The following SYNDIG1 variants were observed in gnomAD, a reference collection of about 807,000 sequenced individuals.
The protein encoded by SYNDIG1 is synapse differentiation-inducing gene protein 1.
SYNDIG1 carries 9 observed loss-of-function variants against 19.4 expected under a neutral mutation model. The observed-to-expected ratio is 0.46, with a 90% confidence interval of 0.28 to 0.81. The LOEUF (loss-of-function observed/expected upper bound fraction) is 0.81, where lower values mean the gene tolerates loss of function less well. Ranked by LOEUF, SYNDIG1 falls within the 30% of genes least tolerant of loss-of-function variation. SYNDIG1 has a pLI of 0.12. For missense variants in SYNDIG1, 311 were observed against 343.3 expected (o/e 0.91, Z 0.74); for synonymous variants, 141 against 145.9 (o/e 0.97, Z 0.24).
intron 3 of SYNDIG1, among the ~76,000 whole-genome samples, chr20:24,586,902 G>T (rs1175506276): frequency 6.6e-6 from 1 of 152,216 alleles, no homozygotes; most frequent in Non-Finnish European, 1.5e-5. Flanking sequence ...GCAGGGCAAG[G>T]TATGGACAGC....
intron 1 of SYNDIG1, among the ~76,000 whole-genome samples, chr20:24,483,259 T>C (rs767390474): frequency 5.9e-5 from 9 of 152,148 alleles, no homozygotes; most frequent in Non-Finnish European, 7.3e-5. Flanking sequence ...AAGGTGTGCA[T>C]GTGTGGAAGG....
intron 1 of SYNDIG1, among the ~76,000 whole-genome samples, chr20:24,519,293 T>G (rs1355889668): frequency 6.6e-6 from 1 of 152,244 alleles, no homozygotes; most frequent in Non-Finnish European, 1.5e-5. Context: ...AAAGAAACTG[T>G]GCTTCCATAT....
chr20:24,521,239 C>T (rs761852246), intron 1 of SYNDIG1, among the ~76,000 whole-genome samples: 18 of 152,134 alleles, frequency 1.2e-4, no homozygotes, highest in Non-Finnish European at 2.6e-4. Context: ...TCATTGTTCC[C>T]ACCTTCTGAC....
chr20:24,488,538 A>G (rs1356193637), intron 1 of SYNDIG1, among the ~76,000 whole-genome samples: 3 of 152,234 alleles, frequency 2.0e-5, no homozygotes, highest in Non-Finnish European at 2.9e-5. Flanking sequence ...GCCCTTCTGC[A>G]GGCTCCAGGC....
In SYNDIG1 at chr20:24,546,579, G is replaced by A. The variant is rs73902580; in HGVS notation, c.480+3002G>A. On this transcript the variant is annotated intron_variant, in intron 2 of 3. Transcript: ENST00000376862. ...CTGTCCCAGGCTTCATTTTGCGGCA[G>A]CCAGAGAGGTGGGGCCCACTTTGTG... is the stretch of plus-strand genomic sequence containing the variant. Among the ~76,000 whole-genome samples the A allele has an allele frequency of 2.8e-3, 424 of 152,324 alleles. 3 individuals are homozygous for A. The highest frequency in any genetic ancestry group is 1.0e-2 in the African/African-American group (414 of 41,586).
intron 1 of SYNDIG1, among the ~76,000 whole-genome samples, chr20:24,516,818 G>A (rs766074594): frequency 6.6e-6 from 1 of 152,118 alleles, no homozygotes; most frequent in African/African-American, 2.4e-5. Flanking sequence ...TCATTACTGG[G>A]TATGTACCCA....
intron 1 of SYNDIG1, among the ~76,000 whole-genome samples, chr20:24,538,430 G>T (rs1432605281): frequency 6.6e-6 from 1 of 151,812 alleles, no homozygotes; most frequent in Non-Finnish European, 1.5e-5. Context: ...GCCTATGTGA[G>T]AATTCCCTTC....
chr20:24,484,294 A>G (rs935804446), intron 1 of SYNDIG1, among the ~76,000 whole-genome samples: 1 of 152,136 alleles, frequency 6.6e-6, no homozygotes, highest in Non-Finnish European at 1.5e-5. Context: ...GCCTGGGGCT[A>G]CTGGGGGTCA....
At chr20:24,662,970 G>T (rs2059617040) in intron 3 of SYNDIG1, among the ~76,000 whole-genome samples, 3 of 152,258 alleles carry the variant, frequency 2.0e-5, no homozygotes, top group Non-Finnish European at 4.4e-5. Flanking sequence ...CAGCTGTCAG[G>T]ATGGAAACGT....
chr20:24,528,614 C>T (rs1471065572), intron 1 of SYNDIG1, among the ~76,000 whole-genome samples: 3 of 152,186 alleles, frequency 2.0e-5, no homozygotes, highest in Non-Finnish European at 2.9e-5. Flanking sequence ...TAACTCTCCC[C>T]CTCAAGCCCT....
intron 3 of SYNDIG1, among the ~76,000 whole-genome samples, chr20:24,619,253 G>A (rs1158448649): frequency 1.3e-5 from 2 of 152,150 alleles, no homozygotes; most frequent in East Asian, 3.8e-4. Context: ...TCCTTTAATC[G>A]GGTGCATAAC....
chr20:24,601,393 C>A (rs2058678164), intron 3 of SYNDIG1, among the ~76,000 whole-genome samples: 1 of 152,082 alleles, frequency 6.6e-6, no homozygotes, highest in Non-Finnish European at 1.5e-5. Context: ...TTTTTCAAAT[C>A]TTTGATAGCA....
At chr20:24,522,049 C>T (rs1416735886) in intron 1 of SYNDIG1, among the ~76,000 whole-genome samples, 1 of 152,028 alleles carries the variant, frequency 6.6e-6, no homozygotes, top group Non-Finnish European at 1.5e-5. Flanking sequence ...TATTGCCATA[C>T]CCTGACAGCT....
At chr20:24,589,932 C>T (rs2058479379) in intron 3 of SYNDIG1, among the ~76,000 whole-genome samples, 1 of 152,188 alleles carries the variant, frequency 6.6e-6, no homozygotes, top group African/African-American at 2.4e-5. Flanking sequence ...GATTAGTGAA[C>T]ACCTCCCACG....
At chr20:24,520,708 AT>A in intron 1 of SYNDIG1, among the ~76,000 whole-genome samples, 1 of 146,434 alleles carries the variant, frequency 6.8e-6, no homozygotes. Flanking sequence ...AAAAAAAAAA[AT>A]TACAGTAAGT....
chr20:24,580,428 T>G (rs1029254903), intron 2 of SYNDIG1, among the ~76,000 whole-genome samples: 6 of 152,180 alleles, frequency 3.9e-5, no homozygotes, highest in African/African-American at 7.2e-5. Context: ...GTTTGATTTT[T>G]GAGACGGAGC....
At chr20:24,534,873 G>C (rs2057332305) in intron 1 of SYNDIG1, among the ~76,000 whole-genome samples, 1 of 152,198 alleles carries the variant, frequency 6.6e-6, no homozygotes, top group South Asian at 2.1e-4. Context: ...CCCTGGGTTT[G>C]AGGGAGGGAG....
At chr20:24,632,576 A>T (rs1292463837) in intron 3 of SYNDIG1, among the ~76,000 whole-genome samples, 1 of 152,204 alleles carries the variant, frequency 6.6e-6, no homozygotes, top group African/African-American at 2.4e-5. Context: ...CACCAGTGAA[A>T]AAAAGCAGGC....
At chr20:24,600,803 C>A (rs374253104) in intron 3 of SYNDIG1, among the ~76,000 whole-genome samples, 3 of 151,990 alleles carry the variant, frequency 2.0e-5, no homozygotes, top group Non-Finnish European at 4.4e-5. Flanking sequence ...TTAGTAAAGA[C>A]GGAGTTTCAC....
Sources: gnomAD v4.1 joint callset for allele counts (sites outside exome capture counted in the v4.1 genomes callset) on GRCh38, gnomAD v4.1.1 for gene constraint, MANE v1.5 for transcripts, NCBI Gene and HGNC (gene_info 2026-07-23, HGNC 2026-07-21) for gene names.